PTH2R: variants seen among roughly 807,000 people sequenced by gnomAD.
The protein encoded by PTH2R is parathyroid hormone 2 receptor.
In PTH2R, 59 loss-of-function variants were observed where a neutral mutation model predicts 60.3. The observed-to-expected ratio is 0.98, with a 90% confidence interval of 0.79 to 1.22. The LOEUF (loss-of-function observed/expected upper bound fraction) is 1.22, where lower values mean the gene tolerates loss of function less well. Ranked by LOEUF, PTH2R falls within the 50% of genes most tolerant of loss-of-function variation. The probability of loss-of-function intolerance (pLI) is 0.00; values close to 1 mark genes in which losing one functional copy is unlikely to be tolerated. For missense variants in PTH2R, 749 were observed against 682.6 expected, an observed-to-expected ratio of 1.10 and a Z score of -1.08; for synonymous variants, 256 against 243.8, an observed-to-expected ratio of 1.05 and a Z score of -0.47.
chr2:208,468,217 CCTT>C (rs765808574), intron 9 of PTH2R, among the ~76,000 whole-genome samples: 6 of 152,164 alleles, frequency 3.9e-5, no homozygotes, highest in Non-Finnish European at 8.8e-5. Context: ...GGGTGGTGCT[CCTT>C]CTTCTGAGTT....
chr2:208,369,638 G>A (rs1038504271), intron 1 of PTH2R, among the ~76,000 whole-genome samples: 5 of 152,032 alleles, frequency 3.3e-5, no homozygotes, highest in East Asian at 1.9e-4. Flanking sequence ...GATTACAAGC[G>A]TGAGCCACTG....
Position 208,459,846 on chromosome 2 carries a change from C to A in PTH2R, c.915-49C>A, listed in dbSNP as rs566895134. On this transcript the variant is annotated intron_variant, in intron 8 of 12. Transcript: ENST00000272847. Reference sequence around the variant, plus strand: ...AACTTAAAATTCTACTTAATACTACCCATTTGCTTTGCCAATTTATTCATG... The same window carrying A: ...AACTTAAAATTCTACTTAATACTACACATTTGCTTTGCCAATTTATTCATG... The A allele has an allele frequency of 6.1e-6, 9 of 1,473,936 alleles. No individual in the cohort carries two copies. The African/African-American group carries it at 6.9e-5, about 11-fold the overall frequency. 91.3% of individuals were successfully genotyped at this position (1,473,936 alleles called of 1,614,324 possible).
rs193300289 is a variant in PTH2R, at chr2:208,394,914, G to A, written c.-258-33287G>A. Among the ~76,000 whole-genome samples the A allele has an allele frequency of 2.6e-5, 4 of 152,216 alleles. No homozygotes were observed. In the East Asian group the frequency reaches 7.7e-4, roughly 29 times the overall value. On this transcript the variant is annotated intron_variant, in intron 1 of 12. Coordinates refer to the PTH2R transcript ENST00000617735. The stretch of plus-strand genomic sequence containing the variant: ...GAATAGGTGGCTTAAAGGAACGCAG[G>A]AACTGAATGGCCATTTTGCTGCTGA...
At chr2:208,478,418 T>G (rs2105903057) in intron 9 of PTH2R, among the ~76,000 whole-genome samples, 1 of 152,236 alleles carries the variant, frequency 6.6e-6, no homozygotes, top group African/African-American at 2.4e-5. Flanking sequence ...TGCATGACTC[T>G]TGGTCCCTTC....
chr2:208,445,070 C>T (rs114423969), intron 7 of PTH2R, among the ~76,000 whole-genome samples, 183 bp downstream of exon 7: 4,495 of 152,198 alleles, frequency 0.03, 205 homozygotes, highest in African/African-American at 0.089. Context: ...CTATAATTCT[C>T]CCAGTGGTGA....
intron 9 of PTH2R, among the ~76,000 whole-genome samples, chr2:208,462,223 T>C (rs1237952254): frequency 6.6e-6 from 1 of 152,194 alleles, no homozygotes; most frequent in African/African-American, 2.4e-5. Context: ...AATTTACTTA[T>C]TTTAATCAAT....
intron 9 of PTH2R, among the ~76,000 whole-genome samples, chr2:208,480,593 A>T (rs1050979090): frequency 6.6e-6 from 1 of 152,052 alleles, no homozygotes; most frequent in Non-Finnish European, 1.5e-5. Context: ...GTAACATCTT[A>T]CTTCCCTTTA....
chr2:208,432,738 C>G (rs1231645108), intron 2 of PTH2R, among the ~76,000 whole-genome samples: 1 of 152,098 alleles, frequency 6.6e-6, no homozygotes, highest in African/African-American at 2.4e-5. Flanking sequence ...GGTGTAAGTC[C>G]AAGAGTCCAA....
intron 12 of PTH2R, 41 bp downstream of exon 12, chr2:208,490,721 G>A (rs1703385725): frequency 6.4e-7 from 1 of 1,561,544 alleles, no homozygotes; most frequent in African/African-American, 1.4e-5. Flanking sequence ...GCTTCAGCTT[G>A]TAAATGGCCA....
intron 6 of PTH2R, among the ~76,000 whole-genome samples, chr2:208,444,226 TGAGCCTAGCC>T (rs1574878553): frequency 6.6e-6 from 1 of 152,336 alleles, no homozygotes; most frequent in East Asian, 1.9e-4. Context: ...CTCTACTCAG[TGAGCCTAGCC>T]GAGACAAGCC....
At chr2:208,473,251 G>A (rs905566698) in intron 9 of PTH2R, among the ~76,000 whole-genome samples, 18 of 152,010 alleles carry the variant, frequency 1.2e-4, no homozygotes, top group African/African-American at 4.1e-4. Context: ...ATTTCATAAG[G>A]CTTTTTGTTT....
At chr2:208,375,725 A>G (rs1242923980) in intron 1 of PTH2R, among the ~76,000 whole-genome samples, 2 of 152,092 alleles carry the variant, frequency 1.3e-5, no homozygotes, top group Non-Finnish European at 2.9e-5. Flanking sequence ...ATGCCTATGA[A>G]TCTAATCAGA....
chr2:208,407,524 A>G (rs1293632498), intron 1 of PTH2R, among the ~76,000 whole-genome samples: 1 of 152,234 alleles, frequency 6.6e-6, no homozygotes, highest in Non-Finnish European at 1.5e-5. Context: ...GAGAATTTAA[A>G]TTTACAGGAT....
At chr2:208,439,322 A>G (rs1702138439) in intron 4 of PTH2R, among the ~76,000 whole-genome samples, 1 of 152,088 alleles carries the variant, frequency 6.6e-6, no homozygotes. Context: ...GTGTTAGTAT[A>G]ATTTAATCTC....
At chr2:208,412,408 T>C (rs1463127637) in intron 1 of PTH2R, among the ~76,000 whole-genome samples, 1 of 128,446 alleles carries the variant, frequency 7.8e-6, no homozygotes, top group African/African-American at 2.9e-5. Flanking sequence ...TTCAGCCTGA[T>C]TTTCTGTAAT....
At chr2:208,446,168 C>G (rs1202750414) in intron 7 of PTH2R, among the ~76,000 whole-genome samples, 1 of 151,978 alleles carries the variant, frequency 6.6e-6, no homozygotes, top group Non-Finnish European at 1.5e-5. Flanking sequence ...TTAATAAATT[C>G]TTTTTTTCTC....
In PTH2R at chr2:208,420,219, G is replaced by C. The variant is rs570676369; in HGVS notation, c.76-7982G>C. On this transcript the variant is annotated intron_variant, in intron 1 of 12. Coordinates refer to ENST00000272847, the MANE Select transcript of PTH2R (RefSeq NM_005048.4). ...GTTAATGGGTGCAGCACAGCAACAT[G>C]GCACATGTATACATATGTAACAAAC... is the stretch of plus-strand genomic sequence containing the variant. Among the ~76,000 whole-genome samples the C allele has an allele frequency of 2.2e-4, 33 of 151,618 alleles. 2 individuals carry two copies. In the South Asian group the frequency reaches 6.3e-3, roughly 29 times the overall value.
intron 9 of PTH2R, chr2:208,466,315 C>G (rs1209654800): frequency 6.5e-6 from 1 of 152,742 alleles, no homozygotes; most frequent in Non-Finnish European, 1.5e-5. Flanking sequence ...TTGCACACAG[C>G]TCGGTGTCTC....
chr2:208,437,748 A>G lies in PTH2R; in HGVS notation c.290-12A>G, dbSNP rs373412044. 452 of 1,609,708 alleles carry G rather than the reference A, an allele frequency of 2.8e-4. 1 individual carries two copies. The Middle Eastern group carries it at 4.6e-3, about 16-fold the overall frequency. Reference sequence around the variant, plus strand: ...GAACTGAGCGATCTCAGCATCTTTCATGTCTTTACAGGAGTTGCTTTCCGA... The same window carrying G: ...GAACTGAGCGATCTCAGCATCTTTCGTGTCTTTACAGGAGTTGCTTTCCGA... On this transcript the variant is annotated splice_polypyrimidine_tract_variant and intron_variant, in intron 3 of 12. Transcript: ENST00000272847.
Sources: allele counts gnomAD v4.1 joint callset (sites outside exome capture counted in the v4.1 genomes callset), GRCh38; gene constraint gnomAD v4.1.1; transcripts MANE v1.5; gene names NCBI Gene and HGNC (gene_info 2026-07-23, HGNC 2026-07-21).